Variants in SBSN observed in about 807,000 individuals in gnomAD.
SBSN encodes the protein HLAR698.
SBSN carries 33 observed loss-of-function variants against 42.8 expected under a neutral mutation model. That is an observed-to-expected ratio of 0.77 (90% confidence interval 0.58 to 1.03). The LOEUF (loss-of-function observed/expected upper bound fraction) is 1.03, where lower values mean the gene tolerates loss of function less well. Among genes scored for constraint, SBSN ranks in the 50% least tolerant of loss-of-function variants. The probability of loss-of-function intolerance (pLI) is 0.00; values close to 1 mark genes in which losing one functional copy is unlikely to be tolerated. For synonymous variants in SBSN, 276 were observed against 307.0 expected (o/e 0.90, Z 1.06); for missense variants, 646 against 757.3 (o/e 0.85, Z 1.72).
At position 35,526,716 on chromosome 19, in the gene SBSN, C is replaced by A. The variant is rs149282523; in HGVS notation, c.1566G>T (p.Gln522His). 3.7e-4 allele frequency: 597 copies of A among 1,614,026 alleles called. No individual in the cohort carries two copies. The African/African-American group carries it at 6.0e-3, about 16-fold the overall frequency. The change falls in exon 1 of 4, where the codon CAG becomes CAT. Residue 522 changes from glutamine (Q) to histidine (H), a missense_variant. Coordinates refer to ENST00000452271, the MANE Select transcript of SBSN (RefSeq NM_001166034.2). ...LGQGAHHAAG[Q>H]AGKELQNAHN... ...GAGCATTCTGCAGCTCCTTCCCGGC[C>A]TGGCCAGCAGCATGGTGGGCACCTT...
chr19:35,528,005 C>T lies in SBSN; in HGVS notation c.277G>A (p.Gly93Ser), dbSNP rs762260037. 14 of 1,613,742 alleles carry T rather than the reference C, an allele frequency of 8.7e-6. No individual in the cohort carries two copies. The highest frequency in any genetic ancestry group is 2.7e-5 in the African/African-American group (2 of 74,884). ...LDKGVQGLNH[G>S]MDKVAHEINH... ...ATCTCATGGGCAACCTTGTCCATGC[C>T]GTGGTTGAGCCCCTGGACGCCTTTG... Residue 93 changes from glycine to serine, a missense_variant, in exon 1 of 4, where the codon GGC becomes AGC. Transcript: ENST00000452271.
Position 35,527,046 on chromosome 19 carries a change from A to G in SBSN, c.1236T>C (p.Val412=), listed in dbSNP as rs1162223875. The G allele has an allele frequency of 6.5e-7, 1 of 1,539,300 alleles. No homozygotes were observed. The highest frequency in any genetic ancestry group is 2.0e-5 in the Admixed American group (1 of 50,938). ...DRVVQGLHHG[V]SQAGREAGQF... ...GCCCCGCCTCCCTTCCAGCCTGACT[A>G]ACGCCATGATGGAGGCCTTGGACCA... Residue 412 remains valine (V), a synonymous_variant, in exon 1 of 4, where the codon GTT becomes GTC. Coordinates refer to ENST00000452271, the MANE Select transcript of SBSN (RefSeq NM_001166034.2).
intron 1 of SBSN, among the ~76,000 whole-genome samples, chr19:35,525,935 G>T (rs373359656): frequency 6.6e-6 from 1 of 152,080 alleles, no homozygotes; most frequent in South Asian, 2.1e-4. Context: ...CACCTGCCTC[G>T]GCCTCCCAAA....
intron 1 of SBSN, 68 bp downstream of exon 1, chr19:35,526,567 CGCCAAATGT>C: frequency 1.1e-6 from 1 of 944,946 alleles, no homozygotes. Flanking sequence ...CCCCCCGCCC[CGCCAAATGT>C]CCCAGGGGTT....
Position 35,527,074 on chromosome 19 carries a change from C to T in SBSN, c.1208G>A (p.Arg403Lys), listed in dbSNP as rs1568673783. The T allele has an allele frequency of 2.0e-6, 3 of 1,537,358 alleles. No homozygotes were observed. Among genetic ancestry groups the T allele is most frequent in the African/African-American group, 1.4e-5 (1 of 72,804 alleles). ...GCCATGATGGAGGCCTTGGACCACT[C>T]TGTCTTCCTCCTTCCCCACCTGCGA... ...AASQVGKEED[R>K]VVQGLHHGVS... The change falls in exon 1 of 4, where the codon AGA becomes AAA. Residue 403 changes from arginine to lysine, a missense_variant. Physicochemically the swap from Arg to Lys is conservative, Grantham distance 26. Transcript: ENST00000452271.
Position 35,527,746 on chromosome 19 carries a change from C to A in SBSN, c.536G>T (p.Gly179Val). 6.5e-7 allele frequency: 1 copy of A among 1,539,406 alleles called. No homozygotes were observed. Among genetic ancestry groups the A allele is most frequent in the South Asian group, 1.1e-5 (1 of 88,562 alleles). ...CCTCCCAGCCTCATTTCCGGCCTGC[C>A]CTGCAGCATGGTGGACTCCCTGGCC... is the stretch of plus-strand genomic sequence containing the variant. ...RFGQGVHHAA[G>V]QAGNEAGRFG... The change falls in exon 1 of 4, where the codon GGG becomes GTG. Residue 179 changes from glycine (G) to valine (V), a missense_variant. Coordinates refer to ENST00000452271, the MANE Select transcript of SBSN (RefSeq NM_001166034.2).
At chr19:35,526,596 CCT>C in intron 1 of SBSN, 46 bp downstream of exon 1, 1 of 778,794 alleles carries the variant, frequency 1.3e-6, no homozygotes, top group Non-Finnish European at 2.0e-6. Flanking sequence ...TTAACCTTTC[CCT>C]CCCCCAACCC....
rs951807882 is a variant in SBSN at position 35,523,453 on chromosome 19, C to T, written c.*57G>A. 2 of 1,585,216 alleles carry T rather than the reference C, an allele frequency of 1.3e-6. No homozygotes were observed. Among genetic ancestry groups the T allele is most frequent in the Admixed American group, 1.7e-5 (1 of 59,942 alleles). On this transcript the variant is annotated 3_prime_UTR_variant, in exon 4 of 4. Transcript: ENST00000452271. ...TCCCCCACCCCCAACCCCTCCAGGT[C>T]ATGTCAGCTGATGTGACAACGGCGA... is the stretch of plus-strand genomic sequence containing the variant.
At position 35,523,521 on chromosome 19, in the gene SBSN, T is replaced by C. The variant is rs1462585830; in HGVS notation, c.1762A>G (p.Ile588Val). 6.2e-7 allele frequency: 1 copy of C among 1,613,838 alleles called. No homozygotes were observed. Among genetic ancestry groups the C allele is most frequent in the African/African-American group, 1.3e-5 (1 of 74,810 alleles). ...GGCCGGATGCCAGTTTAGGGCATGA[T>C]GTTGGCGACGCTCTGGAAGAGAGAA... is the stretch of plus-strand genomic sequence containing the variant. ...LPALWRSVAN[I>V]MP The change falls in exon 4 of 4, where the codon ATC becomes GTC. Residue 588 changes from isoleucine (I) to valine (V), a missense_variant. Physicochemically the swap from Ile to Val is conservative, Grantham distance 29. This residue lies in a region of SBSN where 236 missense variants were observed against 225.6 expected (regional missense o/e 1.05). Transcript: ENST00000452271.
In SBSN at chr19:35,527,561, T is replaced by C. The variant is rs775977782; in HGVS notation, c.721A>G (p.Lys241Glu). Residue 241 changes from lysine to glutamate, a missense_variant, in exon 1 of 4, where the codon AAG (lysine) becomes GAG (glutamate). Physicochemically the swap from Lys to Glu is moderately conservative, Grantham distance 56. This residue lies in a region of SBSN where 220 missense variants were observed against 334.5 expected (regional missense o/e 0.66). Coordinates refer to ENST00000452271, the MANE Select transcript of SBSN (RefSeq NM_001166034.2). ...GCATGGTGGGCCCCCTGGCCAAACT[T>C]CTCTGCCTCCTTCCCAACCTGACCG... is the stretch of plus-strand genomic sequence containing the variant. Reference protein sequence around the residue: ...AAGQVGKEAEKFGQGAHHAAG... With the variant: ...AAGQVGKEAEEFGQGAHHAAG... 3 of 1,525,668 alleles carry C rather than the reference T, an allele frequency of 2.0e-6. No homozygotes were observed. Among genetic ancestry groups the C allele is most frequent in the East Asian group, 5.1e-5 (2 of 38,998 alleles). 94.5% of individuals were successfully genotyped at this position (1,525,668 alleles called of 1,614,324 possible).
chr19:35,526,760 C>A lies in SBSN; in HGVS notation c.1522G>T (p.Glu508Ter). 6.2e-7 allele frequency: 1 copy of A among 1,614,000 alleles called. No individual in the cohort carries two copies. Among genetic ancestry groups the A allele is most frequent in the Admixed American group, 1.7e-5 (1 of 60,014 alleles). ...GCACCTTGGCCAAGCTTCTCCACTT[C>A]CTTTCCAGCCTGGTCAGCAGCATGG... is the stretch of plus-strand genomic sequence containing the variant. ...VNHAADQAGK[E>*]VEKLGQGAHH... Residue 508 changes from glutamate (E) to a stop codon, truncating the protein, a stop_gained, in exon 1 of 4, where the codon GAA (glutamate) becomes TAA (stop). Coordinates refer to ENST00000452271, the MANE Select transcript of SBSN (RefSeq NM_001166034.2). LOFTEE classifies it high-confidence loss of function.
rs762183101 is a variant in SBSN, at chr19:35,524,874, C to A, written c.1689G>T (p.Thr563=). The part of the protein sequence containing the change: ...SSSHQGGATT[T]PLASGASVNT... ...CCGCGCTTACCCCAGAGGCTAACGG[C>A]GTGGTTGTGGCCCCTCCTTGATGGC... The change falls in exon 2 of 4, where the codon ACG becomes ACT. Residue 563 remains threonine (T), a synonymous_variant. Coordinates refer to ENST00000452271, the MANE Select transcript of SBSN (RefSeq NM_001166034.2). 1.2e-6 allele frequency: 2 copies of A among 1,613,986 alleles called. No individual in the cohort carries two copies. The highest frequency in any genetic ancestry group is 2.2e-5 in the East Asian group (1 of 44,872).
chr19:35,523,653 A>C (rs2146278048), intron 3 of SBSN, 120 bp from the exon 4 acceptor site: 1 of 997,948 alleles, frequency 1.0e-6, no homozygotes, highest in Non-Finnish European at 1.6e-6. Flanking sequence ...CCCCGGAGTT[A>C]TGTTCTGGGG....
In SBSN at chr19:35,523,541, A is replaced by C; in HGVS notation, c.1750-8T>G. ...CATGATGTTGGCGACGCTCTGGAAG[A>C]GAGAAGGAGAGCAGGGGTGAATGTA... On this transcript the variant is annotated splice_region_variant and splice_polypyrimidine_tract_variant and intron_variant, in intron 3 of 3. Transcript: ENST00000452271. The C allele has an allele frequency of 6.2e-7, 1 of 1,614,060 alleles. No individual in the cohort carries two copies. Among genetic ancestry groups the C allele is most frequent in the Non-Finnish European group, 8.5e-7 (1 of 1,179,966 alleles).
At chr19:35,524,678 C>A (rs1349687196) in intron 3 of SBSN, 33 bp downstream of exon 3, 3 of 1,612,732 alleles carry the variant, frequency 1.9e-6, no homozygotes, top group Non-Finnish European at 8.5e-7. Context: ...TATCAGGACG[C>A]AGAGCAGAAA....
At position 35,526,250 on chromosome 19, in the gene SBSN, T is replaced by C. The variant is rs370475621; in HGVS notation, c.1638+394A>G. 3.3e-5 allele frequency among the ~76,000 whole-genome samples: 5 copies of C among 152,200 alleles called. No homozygotes were observed. The South Asian group carries it at 1.0e-3, about 32-fold the overall frequency. On this transcript the variant is annotated intron_variant, in intron 1 of 3. Coordinates refer to ENST00000452271, the MANE Select transcript of SBSN (RefSeq NM_001166034.2). ...TCCGAAAGCTATTCCTCATGCTCAC[T>C]CTCCTAACCAGGTTTTGTCAACACT...
At chr19:35,526,140 C>T (rs2071367294) in intron 1 of SBSN, among the ~76,000 whole-genome samples, 1 of 152,202 alleles carries the variant, frequency 6.6e-6, no homozygotes, top group South Asian at 2.1e-4. Flanking sequence ...GCCTTTGTTT[C>T]CTTATCTGAG....
chr19:35,523,625 G>T, intron 3 of SBSN, 92 bp from the exon 4 acceptor site: 1 of 1,276,220 alleles, frequency 7.8e-7, no homozygotes, highest in Non-Finnish European at 1.1e-6. Flanking sequence ...AGAAGCACAA[G>T]GGGACTGGCT....
rs138249808 is a variant in SBSN at position 35,528,268 on chromosome 19, C to T, written c.14G>A (p.Arg5His). ...AAGGAGGGAGCAGGAGCCGACCAGA[C>T]GTGCAAGATGCATATTGCTGGGAAG... MHLA[R>H]LVGSCSLLLL... The change falls in exon 1 of 4, where the codon CGT becomes CAT. Residue 5 changes from arginine to histidine, a missense_variant. Coordinates refer to ENST00000452271, the MANE Select transcript of SBSN (RefSeq NM_001166034.2). The T allele has an allele frequency of 1.2e-5, 20 of 1,609,468 alleles. No individual in the cohort carries two copies. The highest frequency in any genetic ancestry group is 1.5e-5 in the Non-Finnish European group (18 of 1,178,320).
Sources: allele counts gnomAD v4.1 joint callset (sites outside exome capture counted in the v4.1 genomes callset), GRCh38; gene constraint gnomAD v4.1.1; regional missense constraint gnomAD v4.1.1; transcripts MANE v1.5; gene names NCBI Gene and HGNC (gene_info 2026-07-23, HGNC 2026-07-21).